The following MED12 variants were observed in gnomAD, a reference collection of about 807,000 sequenced individuals.
The protein encoded by MED12 is mediator complex subunit 12.
A neutral mutation model predicts 177.7 loss-of-function variants in MED12; 10 were observed. The ratio of observed to expected loss-of-function variants is 0.06; its 90% confidence interval spans 0.03 to 0.10. MED12 has a LOEUF of 0.10. Among genes scored for constraint, MED12 ranks in the 10% least tolerant of loss-of-function variants. The pLI is 1.00. For missense variants in MED12, 867 were observed against 1,780.8 expected (o/e 0.49, Z 9.23); for synonymous variants, 641 against 678.4 (o/e 0.94, Z 0.86).
intron 15 of MED12, 78 bp from the exon 16 acceptor site, chrX:71,125,273 G>T: frequency 8.3e-7 from 1 of 1,199,578 alleles, no homozygotes. Flanking sequence ...GCATGTGGAT[G>T]CTGAGGGGTG....
chrX:71,119,249 C>A, intron 1 of MED12, 124 bp from the exon 2 acceptor site: 1 of 533,137 alleles, frequency 1.9e-6, no homozygotes. Context: ...AAGTAACGAT[C>A]TGTTCTACAC....
intron 21 of MED12, 53 bp from the exon 22 acceptor site, chrX:71,127,840 G>C: frequency 1.1e-6 from 1 of 940,939 alleles, no homozygotes; most frequent in Non-Finnish European, 1.5e-6. Flanking sequence ...ACCATCCCTC[G>C]ACCTCAGCAG....
At chrX:71,126,880 C>T in intron 19 of MED12, 89 bp from the exon 20 acceptor site, 1 of 1,007,390 alleles carries the variant, frequency 9.9e-7, no homozygotes, top group South Asian at 1.9e-5. Flanking sequence ...GGGGCTCAGG[C>T]CCAGCCTTGC....
rs1447403743 is a variant in MED12, at chrX:71,140,619, C to T, written c.6045-16C>T. The stretch of plus-strand genomic sequence containing the variant: ...CCTCCCTCATGCCTTGACCTCTGAC[C>T]CTCTTATCTTTGGAGGTTTTCACAC... On this transcript the variant is annotated splice_polypyrimidine_tract_variant and intron_variant, in intron 41 of 44. Coordinates refer to ENST00000374080, the MANE Select transcript of MED12 (RefSeq NM_005120.3). 2.5e-6 allele frequency: 3 copies of T among 1,208,601 alleles called. No homozygotes were observed. Among genetic ancestry groups the T allele is most frequent in the Non-Finnish European group, 3.4e-6 (3 of 894,880 alleles).
chrX:71,133,769 A>G (rs927488479), intron 33 of MED12, among the ~76,000 whole-genome samples: 1 of 111,289 alleles, frequency 9.0e-6, no homozygotes, highest in Admixed American at 9.5e-5. Context: ...TCAGTATCCT[A>G]GATTCTGACT....
chrX:71,141,378 CTGGA>C lies in MED12; in HGVS notation c.6408+9_6408+12del, dbSNP rs1569482815. The C allele has an allele frequency of 8.6e-6, 10 of 1,166,326 alleles. No individual in the cohort carries two copies. Among genetic ancestry groups the C allele is most frequent in the Non-Finnish European group, 1.0e-5 (9 of 872,539 alleles). Reference sequence around the variant, plus strand: ...CCCCAGTCCCAGCCCCAGGTAGCTGCTGGACTACAGCCCCAGGCTCAGGGACAGC... The same window carrying C: ...CCCCAGTCCCAGCCCCAGGTAGCTGCCTACAGCCCCAGGCTCAGGGACAGC... On this transcript the variant is annotated intron_variant, in intron 43 of 44. Transcript: ENST00000374080.
chrX:71,132,278 C>T (rs1424024621), intron 30 of MED12, 72 bp downstream of exon 30: 27 of 1,162,504 alleles, frequency 2.3e-5, no homozygotes, highest in African/African-American at 8.9e-5. Context: ...ATATCAGATG[C>T]GTGGAGATGC....
chrX:71,124,340 T>C lies in MED12; in HGVS notation c.1926T>C (p.Asp642=), dbSNP rs778656381. The C allele has an allele frequency of 6.6e-6, 8 of 1,208,395 alleles. No homozygotes were observed. The South Asian group carries it at 1.4e-4, about 21-fold the overall frequency. The change falls in exon 13 of 45, where the codon GAT becomes GAC. Residue 642 remains aspartate (D), a synonymous_variant. Coordinates refer to ENST00000374080, the MANE Select transcript of MED12 (RefSeq NM_005120.3). ...CCTCTCCCTTTGATGATCCTGCCGATGACCCAGAGCACAAGGAGGCTGAAG... is the reference window on the plus strand; with the variant it reads ...CCTCTCCCTTTGATGATCCTGCCGACGACCCAGAGCACAAGGAGGCTGAAG... ...RPPSPFDDPA[D]DPEHKEAEGS... is the part of the protein sequence containing the mutation.
Position 71,136,659 on chromosome X carries a change from A to G in MED12, c.5400+4A>G, listed in dbSNP as rs2092333252. ...CCAGCCAGCTACCAAGACAGAGGTG[A>G]GCGCCTCCCCCGTGACAGTTCTCCC... On this transcript the variant is annotated splice_donor_region_variant and intron_variant, in intron 37 of 44. Coordinates refer to ENST00000374080, the MANE Select transcript of MED12 (RefSeq NM_005120.3). 8.3e-7 allele frequency: 1 copy of G among 1,205,231 alleles called. No homozygotes were observed. The highest frequency in any genetic ancestry group is 2.2e-5 in the Admixed American group (1 of 45,515).
chrX:71,119,520 C>T lies in MED12; in HGVS notation c.204+43C>T, dbSNP rs763958451. ...GGCTGAAGGAAAAGGCTGGAAGAAT[C>T]TAAGAAGGAGCAAAGGCCCTGGGTT... On this transcript the variant is annotated intron_variant, in intron 2 of 44. Coordinates refer to ENST00000374080, the MANE Select transcript of MED12 (RefSeq NM_005120.3). The T allele has an allele frequency of 1.1e-5, 13 of 1,135,641 alleles. No individual in the cohort carries two copies. In the South Asian group the frequency reaches 2.5e-4, roughly 22 times the overall value. The allele number at this position is 1,135,641 out of a possible 1,213,427, so 93.6% of individuals were successfully genotyped here.
rs2147787760 is a variant in MED12, at chrX:71,123,614, C to T, written c.1638C>T (p.Ala546=). 6 of 1,209,065 alleles carry T rather than the reference C, an allele frequency of 5.0e-6. No homozygotes were observed. The highest frequency in any genetic ancestry group is 2.2e-5 in the Admixed American group (1 of 45,678). ...TGCAGCGTTGTGGAGAATCAGAAGC[C>T]GCAGATGAGAAGGGTTCCATCGCCT... is the stretch of plus-strand genomic sequence containing the variant. The part of the protein sequence containing the change: ...IEAERCGESE[A]ADEKGSIASG... The change falls in exon 12 of 45, where the codon GCC becomes GCT. Residue 546 remains alanine (A), a synonymous_variant. Coordinates refer to ENST00000374080, the MANE Select transcript of MED12 (RefSeq NM_005120.3).
At position 71,122,525 on chromosome X, in the gene MED12, G is replaced by A. The variant is rs2147783375; in HGVS notation, c.1266G>A (p.Arg422=). 8.3e-7 allele frequency: 1 copy of A among 1,211,582 alleles called. No individual in the cohort carries two copies. The highest frequency in any genetic ancestry group is 1.7e-5 in the African/African-American group (1 of 57,902). ...CATTGCAGGTCCGTGCAAAGTTGCG[G>A]GAGATCGAGCAGCAGATCAAGGAGC... ...AFTQQVRAKL[R]EIEQQIKERG... is the part of the protein sequence containing the mutation. The change falls in exon 9 of 45, where the codon CGG becomes CGA. Residue 422 remains arginine (R), a synonymous_variant. Coordinates refer to ENST00000374080, the MANE Select transcript of MED12 (RefSeq NM_005120.3).
In MED12 at chrX:71,132,073, G is replaced by C; in HGVS notation, c.4120G>C (p.Glu1374Gln). ...QLMIKQTPNN[E>Q]MNSLLENIAK... The stretch of plus-strand genomic sequence containing the variant: ...CTTCTGTGCCTTTCATCCTCCCCAG[G>C]AGATGAACTCCCTCTTGGAGAACAT... Residue 1374 changes from glutamate to glutamine, a missense_variant and splice_region_variant, in exon 30 of 45, where the codon GAG becomes CAG. Transcript: ENST00000374080. The C allele has an allele frequency of 1.7e-6, 2 of 1,209,703 alleles. No homozygotes were observed. Among genetic ancestry groups the C allele is most frequent in the Non-Finnish European group, 2.2e-6 (2 of 893,852 alleles).
In MED12 at chrX:71,135,390, G is replaced by A. The variant is rs1037736550; in HGVS notation, c.5025+137G>A. 3 of 694,200 alleles carry A rather than the reference G, an allele frequency of 4.3e-6. No homozygotes were observed. In the African/African-American group the frequency reaches 6.6e-5, roughly 15 times the overall value. 57.2% of individuals were successfully genotyped at this position (694,200 alleles called of 1,213,427 possible). ...GTCTCTGCCGGTGAACACCATCTCT[G>A]GGGTTTTGAGCAAATCACTTAACTT... is the stretch of plus-strand genomic sequence containing the variant. On this transcript the variant is annotated intron_variant, in intron 36 of 44. Transcript: ENST00000374080.
chrX:71,138,957 G>T (rs139587291), intron 41 of MED12, among the ~76,000 whole-genome samples: 2 of 111,216 alleles, frequency 1.8e-5, no homozygotes, highest in African/African-American at 6.5e-5. Flanking sequence ...AGACTCTGAA[G>T]CTTAGGATTA....
chrX:71,135,384 A>G (rs1251758782), intron 36 of MED12, 131 bp downstream of exon 36: 2 of 731,885 alleles, frequency 2.7e-6, no homozygotes, highest in African/African-American at 4.3e-5. Flanking sequence ...GGTGAACACC[A>G]TCTCTGGGGT....
In MED12 at chrX:71,121,450, A is replaced by C. The variant is rs747748109; in HGVS notation, c.846+13A>C. 1.7e-6 allele frequency: 2 copies of C among 1,209,422 alleles called. No individual in the cohort carries two copies. The highest frequency in any genetic ancestry group is 3.5e-5 in the South Asian group (2 of 56,878). On this transcript the variant is annotated intron_variant, in intron 6 of 44. Transcript: ENST00000374080. The stretch of plus-strand genomic sequence containing the variant: ...TCTGCTTCTCCGAGTAAGGCTTGGA[A>C]TTTTGGTACTGGTGGGGCAGGGGGA...
intron 27 of MED12, 42 bp from the exon 28 acceptor site, chrX:71,129,993 C>T: frequency 8.4e-7 from 1 of 1,193,607 alleles, no homozygotes; most frequent in Non-Finnish European, 1.1e-6. Flanking sequence ...TTCCTAACCC[C>T]CTCACTGGTT....
In MED12 at chrX:71,136,901, G is replaced by A. The variant is rs1432487094; in HGVS notation, c.5423G>A (p.Arg1808Gln). 6 of 1,210,905 alleles carry A rather than the reference G, an allele frequency of 5.0e-6. No homozygotes were observed. Among genetic ancestry groups the A allele is most frequent in the East Asian group, 3.0e-5 (1 of 33,808 alleles). ...KTEDYGMGPGRSGPYGVTVPP... is the reference protein window; with the variant it reads ...KTEDYGMGPGQSGPYGVTVPP... ...CAGGACTATGGAATGGGCCCGGGTCGGAGCGGCCCTTATGGTGTGACAGTG... is the reference window on the plus strand; with the variant it reads ...CAGGACTATGGAATGGGCCCGGGTCAGAGCGGCCCTTATGGTGTGACAGTG... Residue 1808 changes from arginine to glutamine, a missense_variant, in exon 38 of 45, where the codon CGG becomes CAG. Around this residue, in one of 14 missense-constraint regions of MED12, gnomAD observed 236 missense variants for 345.2 expected, o/e 0.68. Coordinates refer to ENST00000374080, the MANE Select transcript of MED12 (RefSeq NM_005120.3).
Sources: gnomAD v4.1 joint callset for allele counts (sites outside exome capture counted in the v4.1 genomes callset) on GRCh38, gnomAD v4.1.1 for gene constraint, gnomAD v4.1.1 regional missense constraint, MANE v1.5 for transcripts, NCBI Gene and HGNC (gene_info 2026-07-23, HGNC 2026-07-21) for gene names.